Variants in ARMH3 observed in about 807,000 individuals in gnomAD.
ARMH3 encodes armadillo-like helical domain-containing protein 3.
Under a neutral mutation model 99.1 loss-of-function variants are expected in ARMH3, and 60 were observed. The observed-to-expected ratio is 0.61, with a 90% CI of 0.49 to 0.75. The LOEUF (loss-of-function observed/expected upper bound fraction) is 0.75, where lower values mean the gene tolerates loss of function less well. ARMH3 is among the 30% of genes least tolerant of loss of function. The pLI, the probability that ARMH3 is intolerant of heterozygous loss-of-function variation, is 0.00. For missense variants in ARMH3, 679 were observed against 843.1 expected, an observed-to-expected ratio of 0.81 and a Z score of 2.41; for synonymous variants, 285 against 292.8, an observed-to-expected ratio of 0.97 and a Z score of 0.27.
chr10:102,030,781 CTTGTTT>C (rs2136199549), intron 4 of ARMH3, among the ~76,000 whole-genome samples: 1 of 151,444 alleles, frequency 6.6e-6, no homozygotes, highest in South Asian at 2.1e-4. Context: ...TTTGTTTTGT[CTTGTTT>C]TTGTTTTTGT....
chr10:101,970,367 G>C (rs1393394880), intron 20 of ARMH3, among the ~76,000 whole-genome samples: 1 of 152,154 alleles, frequency 6.6e-6, no homozygotes, highest in African/African-American at 2.4e-5. Flanking sequence ...CAGCTCAACA[G>C]AAACATTAAC....
At chr10:101,866,946 G>A (rs999081292) in intron 24 of ARMH3, among the ~76,000 whole-genome samples, 1 of 151,844 alleles carries the variant, frequency 6.6e-6, no homozygotes, top group Non-Finnish European at 1.5e-5. Context: ...AATGAACAAA[G>A]AAAATCACTG....
intron 1 of ARMH3, among the ~76,000 whole-genome samples, chr10:102,055,190 G>A (rs572701692): frequency 6.6e-6 from 1 of 151,926 alleles, no homozygotes; most frequent in African/African-American, 2.4e-5. Context: ...GCGTGGTAGC[G>A]CAAGGCTGAG....
At chr10:102,030,974 G>A (rs1313030169) in intron 4 of ARMH3, among the ~76,000 whole-genome samples, 1 of 151,576 alleles carries the variant, frequency 6.6e-6, no homozygotes, top group Non-Finnish European at 1.5e-5. Flanking sequence ...TTTTAATAGA[G>A]ACAGGTTTTC....
chr10:102,047,484 A>T (rs1019565774), intron 1 of ARMH3, among the ~76,000 whole-genome samples: 2 of 150,698 alleles, frequency 1.3e-5, no homozygotes, highest in East Asian at 3.9e-4. Flanking sequence ...TATTGAACCA[A>T]ACTTTTTTTT....
At chr10:101,993,686 G>A in intron 16 of ARMH3, 83 bp from the exon 17 acceptor site, 1 of 941,750 alleles carries the variant, frequency 1.1e-6, no homozygotes. Context: ...CAAATCCTTG[G>A]ACTTTGAGAA....
At chr10:101,918,113 A>G (rs1590020040) in intron 23 of ARMH3, among the ~76,000 whole-genome samples, 1 of 152,126 alleles carries the variant, frequency 6.6e-6, no homozygotes, top group East Asian at 1.9e-4. Context: ...CAGTGGTGCA[A>G]TCTTGGCTCG....
chr10:102,044,487 C>T (rs2067498273), intron 1 of ARMH3, among the ~76,000 whole-genome samples: 1 of 151,802 alleles, frequency 6.6e-6, no homozygotes, highest in South Asian at 2.1e-4. Flanking sequence ...CCTCTCGCTT[C>T]AGCCTCCCAA....
chr10:101,847,492 T>A lies in ARMH3; in HGVS notation c.*36A>T, dbSNP rs2066488420. On this transcript the variant is annotated 3_prime_UTR_variant, in exon 26 of 26. Transcript: ENST00000370033. ...CCCTCCAGCCCATGATCCTCATGGG[T>A]AAGGGCAGTCAGAGGCTGCTCAGGT... 1.3e-6 allele frequency: 2 copies of A among 1,585,368 alleles called. No individual in the cohort carries two copies. Among genetic ancestry groups the A allele is most frequent in the Non-Finnish European group, 1.7e-6 (2 of 1,153,996 alleles).
intron 24 of ARMH3, among the ~76,000 whole-genome samples, chr10:101,856,197 A>G (rs1327083504): frequency 6.6e-6 from 1 of 152,104 alleles, no homozygotes; most frequent in Non-Finnish European, 1.5e-5. Context: ...GGGTTTGACA[A>G]TTTTCAATAC....
chr10:101,945,215 G>C (rs1449399482), intron 22 of ARMH3, among the ~76,000 whole-genome samples: 1 of 152,176 alleles, frequency 6.6e-6, no homozygotes, highest in Non-Finnish European at 1.5e-5. Context: ...CCAAGGGTCA[G>C]CCAGTTCCAG....
intron 4 of ARMH3, 107 bp from the exon 5 acceptor site, chr10:102,029,852 C>G: frequency 8.9e-7 from 1 of 1,123,002 alleles, no homozygotes; most frequent in Non-Finnish European, 1.2e-6. Context: ...AATTCAATTT[C>G]TCTGAGTTCT....
In ARMH3 at chr10:101,853,843, G is replaced by A. The variant is rs1039590280; in HGVS notation, c.1861-3951C>T. 3.3e-5 allele frequency among the ~76,000 whole-genome samples: 5 copies of A among 152,236 alleles called. No homozygotes were observed. The South Asian group carries it at 8.3e-4, about 25-fold the overall frequency. Reference sequence around the variant, plus strand: ...AAAGTTAACTGAGCTGACCAGGCACGATGGCTCATGCCTGTAATCCCAGCA... The same window carrying A: ...AAAGTTAACTGAGCTGACCAGGCACAATGGCTCATGCCTGTAATCCCAGCA... On this transcript the variant is annotated intron_variant, in intron 24 of 25. Transcript: ENST00000370033.
intron 25 of ARMH3, among the ~76,000 whole-genome samples, chr10:101,848,257 G>C (rs1013954587): frequency 6.6e-6 from 1 of 152,144 alleles, no homozygotes; most frequent in Non-Finnish European, 1.5e-5. Context: ...CTGCCCACTC[G>C]AGAGGAAAGT....
At chr10:101,854,595 G>A (rs1021345985) in intron 24 of ARMH3, among the ~76,000 whole-genome samples, 2 of 152,078 alleles carry the variant, frequency 1.3e-5, no homozygotes, top group Admixed American at 6.6e-5. Context: ...TTAGGCGAGG[G>A]GAAAACAAAG....
intron 8 of ARMH3, among the ~76,000 whole-genome samples, chr10:102,018,800 C>CA (rs1564853453): frequency 6.6e-6 from 1 of 151,798 alleles, no homozygotes; most frequent in South Asian, 2.1e-4. Context: ...ATCAAAAATA[C>CA]AAAAAAATTA....
At chr10:101,892,715 G>A (rs1030629963) in intron 23 of ARMH3, among the ~76,000 whole-genome samples, 7 of 151,862 alleles carry the variant, frequency 4.6e-5, no homozygotes, top group African/African-American at 1.7e-4. Context: ...AATCTTAGAG[G>A]GTACATTTGT....
chr10:101,845,788 C>T lies in ARMH3; in HGVS notation c.*1740G>A, dbSNP rs1376835338. 1 of 152,184 alleles carries T rather than the reference C, an allele frequency of 6.6e-6. No homozygotes were observed. The highest frequency in any genetic ancestry group is 1.5e-5 in the Non-Finnish European group (1 of 68,060). 9.4% of individuals were successfully genotyped at this position (152,184 alleles called of 1,614,324 possible). On this transcript the variant is annotated 3_prime_UTR_variant, in exon 26 of 26. Transcript: ENST00000370033. ...ACACATGGCAGCCTGTTAGTGGCTT[C>T]TCTGGAACTAGTGCATAGCTGCTCA...
chr10:101,855,703 ATATATATATTT>A (rs1306939544), intron 24 of ARMH3, among the ~76,000 whole-genome samples: 2 of 147,076 alleles, frequency 1.4e-5, no homozygotes, highest in Non-Finnish European at 3.0e-5. Context: ...GAAAAAATAT[ATATATATATTT>A]TATATATATT....
Sources: gnomAD v4.1 joint callset for allele counts (sites outside exome capture counted in the v4.1 genomes callset) on GRCh38, gnomAD v4.1.1 for gene constraint, MANE v1.5 for transcripts, NCBI Gene and HGNC (gene_info 2026-07-23, HGNC 2026-07-21) for gene names.